Variants in NXN observed in about 807,000 individuals in gnomAD.
The protein encoded by NXN is nucleoredoxin, also known as nucleoredoxin 1.
A neutral mutation model predicts 48.6 loss-of-function variants in NXN; 16 were observed. That is an observed-to-expected ratio of 0.33 (90% CI 0.22 to 0.50). The LOEUF is 0.50. Among genes scored for constraint, NXN ranks in the 20% least tolerant of loss-of-function variants. The pLI is 0.98. For synonymous variants in NXN, 281 were observed against 269.6 expected, an observed-to-expected ratio of 1.04 and a Z score of -0.41; for missense variants, 492 against 605.5, an observed-to-expected ratio of 0.81 and a Z score of 1.97.
chr17:931,700 TG>T (rs1301095081), intron 1 of NXN, among the ~76,000 whole-genome samples: 11 of 150,974 alleles, frequency 7.3e-5, no homozygotes, highest in African/African-American at 2.7e-4. Flanking sequence ...CCGGGCGTGG[TG>T]GCAGGCGCCT....
chr17:812,083 A>G (rs561239110), intron 5 of NXN, among the ~76,000 whole-genome samples: 2 of 150,578 alleles, frequency 1.3e-5, no homozygotes, highest in Admixed American at 6.6e-5. Context: ...GCCCGTCACC[A>G]CGCCTGGCTA....
intron 2 of NXN, among the ~76,000 whole-genome samples, chr17:824,171 C>T (rs2144648537): frequency 6.6e-6 from 1 of 152,128 alleles, no homozygotes; most frequent in Non-Finnish European, 1.5e-5. Context: ...TCCCAAGTAG[C>T]TGGGACTACA....
At chr17:909,454 C>T (rs944020773) in intron 1 of NXN, among the ~76,000 whole-genome samples, 2 of 151,828 alleles carry the variant, frequency 1.3e-5, no homozygotes, top group Admixed American at 1.3e-4. Flanking sequence ...CACCGAAAAC[C>T]TGTTCTGACA....
intron 1 of NXN, chr17:863,911 C>T: frequency 6.9e-7 from 1 of 1,453,012 alleles, no homozygotes; most frequent in Non-Finnish European, 9.3e-7. Flanking sequence ...AGGTTTATGT[C>T]AGGCTCATAC....
chr17:945,323 C>T lies in NXN; in HGVS notation c.360+33996G>A, dbSNP rs375926333. Among the ~76,000 whole-genome samples, 17 of 151,968 alleles carry T rather than the reference C, an allele frequency of 1.1e-4. 1 individual carries two copies. The highest frequency in any genetic ancestry group is 3.9e-4 in the African/African-American group (16 of 41,472). ...TCTCCAACTCCTGACCTCAGGTGATCCACTCGCCTCGGCGTCCTAAAGCAG... is the reference window on the plus strand; with the variant it reads ...TCTCCAACTCCTGACCTCAGGTGATTCACTCGCCTCGGCGTCCTAAAGCAG... On this transcript the variant is annotated intron_variant, in intron 1 of 7. Transcript: ENST00000336868.
intron 1 of NXN, among the ~76,000 whole-genome samples, chr17:847,822 T>G (rs1192933554): frequency 6.6e-6 from 1 of 152,160 alleles, no homozygotes; most frequent in Non-Finnish European, 1.5e-5. Context: ...AAGACAGATG[T>G]GTGAGACCCG....
At chr17:901,614 A>ACTAAAT (rs1290346601) in intron 1 of NXN, among the ~76,000 whole-genome samples, 4 of 152,214 alleles carry the variant, frequency 2.6e-5, no homozygotes, top group African/African-American at 7.2e-5. Flanking sequence ...AAGCACATTA[A>ACTAAAT]CTAAATCTAA....
rs2069485223 is a variant in NXN, at chr17:978,288, TTC to T, written c.360+1029_360+1030del. 3 of 152,368 alleles carry T rather than the reference TTC, an allele frequency of 2.0e-5. No homozygotes were observed. The highest frequency in any genetic ancestry group is 1.9e-4 in the East Asian group (1 of 5,188). The allele number at this position is 152,368 out of a possible 1,614,324, so 9.4% of individuals were successfully genotyped here. ...CGAAGCAACAGCGCTCCAAAACTTT[TTC>T]TGACTCCATTCATTACAAAATGTCC... On this transcript the variant is annotated intron_variant, in intron 1 of 7. Coordinates refer to ENST00000336868, the MANE Select transcript of NXN (RefSeq NM_022463.5). This position sits in a 1 kb window ranked among gnomAD's most constrained non-coding sequence, Gnocchi z 4.1.
intron 1 of NXN, among the ~76,000 whole-genome samples, chr17:969,578 C>T (rs1034862939): frequency 6.6e-6 from 1 of 152,138 alleles, no homozygotes; most frequent in African/African-American, 2.4e-5. Flanking sequence ...CACGTGGTCC[C>T]GCCCAATCTT....
At chr17:966,833 G>A (rs2069310930) in intron 1 of NXN, among the ~76,000 whole-genome samples, 1 of 122,240 alleles carries the variant, frequency 8.2e-6, no homozygotes, top group Non-Finnish European at 1.6e-5. Context: ...AATCTTGGAG[G>A]GTGCTTGGAT....
chr17:861,828 TTTTTG>T (rs1463892587), intron 1 of NXN, among the ~76,000 whole-genome samples: 1 of 149,774 alleles, frequency 6.7e-6, no homozygotes, highest in Non-Finnish European at 1.5e-5. Flanking sequence ...AGGGGCTCTT[TTTTTG>T]TTTTTTCTTT....
intron 1 of NXN, among the ~76,000 whole-genome samples, chr17:861,731 G>C (rs530685032): frequency 6.6e-6 from 1 of 152,026 alleles, no homozygotes; most frequent in Middle Eastern, 3.4e-3. Context: ...GTAAAAAATA[G>C]TGAATTTAAT....
chr17:917,161 C>CA lies in NXN; in HGVS notation c.360+62157_360+62158insT, dbSNP rs796506892. ...AGGTGTTCCACGCCTGAGCTCACAT[C>CA]TTTTTTTTTTTTTTCTGTAGCCCAG... On this transcript the variant is annotated intron_variant, in intron 1 of 7. Coordinates refer to ENST00000336868, the MANE Select transcript of NXN (RefSeq NM_022463.5). The surrounding 1 kb of genome is among the most constrained non-coding windows in gnomAD (Gnocchi z 4.5). Among the ~76,000 whole-genome samples the CA allele has an allele frequency of 6.9e-6, 1 of 145,270 alleles. No individual in the cohort carries two copies.
intron 5 of NXN, among the ~76,000 whole-genome samples, chr17:810,128 G>A (rs1911871712): frequency 1.4e-5 from 2 of 139,192 alleles, no homozygotes; most frequent in African/African-American, 5.5e-5. Flanking sequence ...CGTGTGAGTG[G>A]CGTGCACGTT....
intron 1 of NXN, among the ~76,000 whole-genome samples, chr17:841,459 G>A (rs1914231592): frequency 1.5e-5 from 2 of 132,680 alleles, no homozygotes; most frequent in Non-Finnish European, 3.5e-5. Flanking sequence ...TGACCACGGC[G>A]CATCTCACAC....
chr17:924,838 T>C (rs2068784271), intron 1 of NXN, among the ~76,000 whole-genome samples: 1 of 152,260 alleles, frequency 6.6e-6, no homozygotes, highest in South Asian at 2.1e-4. Flanking sequence ...CGGTGTAAGT[T>C]ACTTTCATCT....
At chr17:863,113 G>A (rs1418058112) in intron 1 of NXN, among the ~76,000 whole-genome samples, 1 of 152,068 alleles carries the variant, frequency 6.6e-6, no homozygotes, top group Admixed American at 6.6e-5. Context: ...AGCAGAGCCT[G>A]AGTGTAGGAA....
chr17:822,407 C>A lies in NXN; in HGVS notation c.663G>T (p.Lys221Asn). The A allele has an allele frequency of 6.2e-7, 1 of 1,614,134 alleles. No individual in the cohort carries two copies. Among genetic ancestry groups the A allele is most frequent in the Non-Finnish European group, 8.5e-7 (1 of 1,180,016 alleles). The change falls in exon 4 of 8, where the codon AAG (lysine) becomes AAT (asparagine). Residue 221 changes from lysine (K) to asparagine (N), a missense_variant. Coordinates refer to ENST00000336868, the MANE Select transcript of NXN (RefSeq NM_022463.5). ...LTRVLVESYRKIKEAGQNFEI... is the reference protein window; with the variant it reads ...LTRVLVESYRNIKEAGQNFEI... ...CGAAGTTCTGGCCTGCCTCCTTGAT[C>A]TTCCGGTAGGATTCCACCAGGACCC...
Position 917,532 on chromosome 17 carries a change from T to G in NXN, c.360+61787A>C, listed in dbSNP as rs1323810262. Among the ~76,000 whole-genome samples the G allele has an allele frequency of 1.3e-5, 2 of 152,254 alleles. No individual in the cohort carries two copies. The highest frequency in any genetic ancestry group is 3.8e-4 in the East Asian group (2 of 5,202). The stretch of plus-strand genomic sequence containing the variant: ...CAGCTCCTCCTCTTCCTTCTGGACC[T>G]GCTGTCCCACCCTACGCCCATTTTT... On this transcript the variant is annotated intron_variant, in intron 1 of 7. Transcript: ENST00000336868. The surrounding 1 kb of genome is among the most constrained non-coding windows in gnomAD (Gnocchi z 4.5).
Sources: gnomAD v4.1 joint callset for allele counts (sites outside exome capture counted in the v4.1 genomes callset) on GRCh38, gnomAD v4.1.1 for gene constraint, Gnocchi (gnomAD v3.1) non-coding constraint, MANE v1.5 for transcripts, NCBI Gene and HGNC (gene_info 2026-07-23, HGNC 2026-07-21) for gene names.